The following ADCY5 variants were observed in gnomAD, a reference collection of about 807,000 sequenced individuals.
ADCY5 encodes the protein adenylate cyclase type 5.
ADCY5 carries 30 observed loss-of-function variants against 119.7 expected under a neutral mutation model. That is an observed-to-expected ratio of 0.25 (90% CI 0.19 to 0.34). The LOEUF (loss-of-function observed/expected upper bound fraction) is 0.34, where lower values mean the gene tolerates loss of function less well. Among genes scored for constraint, ADCY5 ranks in the 10% least tolerant of loss-of-function variants. ADCY5 has a pLI of 1.00. For missense variants in ADCY5, 1,324 were observed against 1,775.2 expected (o/e 0.75, Z 4.57); for synonymous variants, 753 against 762.2 (o/e 0.99, Z 0.20).
intron 1 of ADCY5, among the ~76,000 whole-genome samples, chr3:123,428,727 C>T (rs1170472091): frequency 1.3e-5 from 2 of 152,224 alleles, no homozygotes; most frequent in African/African-American, 2.4e-5. Context: ...AGAACTGCAT[C>T]CCCAGGGCAC....
At chr3:123,318,351 G>T (rs997599312) in intron 10 of ADCY5, among the ~76,000 whole-genome samples, 1 of 152,138 alleles carries the variant, frequency 6.6e-6, no homozygotes, top group Admixed American at 6.5e-5. Context: ...GAAACCTTCT[G>T]CAGGTGGGTC....
chr3:123,310,149 C>CACACACACACACAG (rs1031301955), intron 12 of ADCY5, among the ~76,000 whole-genome samples: 24 of 147,826 alleles, frequency 1.6e-4, no homozygotes, highest in African/African-American at 5.3e-4. Flanking sequence ...CACACACACA[C>CACACACACACACAG]AGCTACGCAG....
chr3:123,421,821 T>C (rs1021868293), intron 1 of ADCY5, among the ~76,000 whole-genome samples: 1 of 152,148 alleles, frequency 6.6e-6, no homozygotes, highest in African/African-American at 2.4e-5. Flanking sequence ...TTTTATTCAA[T>C]GGGGGAGGAC....
intron 15 of ADCY5, among the ~76,000 whole-genome samples, chr3:123,299,261 T>A (rs2108243036): frequency 6.6e-6 from 1 of 152,330 alleles, no homozygotes; most frequent in African/African-American, 2.4e-5. Flanking sequence ...GCATTCCCAC[T>A]TGTAACAGCT....
intron 1 of ADCY5, among the ~76,000 whole-genome samples, chr3:123,382,466 ACACG>A (rs1271153444): frequency 1.3e-5 from 2 of 152,254 alleles, no homozygotes; most frequent in Admixed American, 1.3e-4. Context: ...AGATATTTTT[ACACG>A]CATGCTCCCA....
intron 1 of ADCY5, among the ~76,000 whole-genome samples, chr3:123,397,672 T>C (rs1944641276): frequency 2.0e-5 from 3 of 152,238 alleles, no homozygotes; most frequent in African/African-American, 7.2e-5. Flanking sequence ...TTCTTCCTAG[T>C]GTCTGGTTTA....
chr3:123,428,254 T>A (rs561005087), intron 1 of ADCY5, among the ~76,000 whole-genome samples: 1 of 152,330 alleles, frequency 6.6e-6, no homozygotes, highest in Non-Finnish European at 1.5e-5. Flanking sequence ...GACCATCTGA[T>A]CTTGCTGTAC....
intron 10 of ADCY5, 92 bp from the exon 11 acceptor site, chr3:123,318,209 A>G: frequency 2.2e-6 from 2 of 929,382 alleles, no homozygotes; most frequent in Admixed American, 2.0e-5. Flanking sequence ...GAAGCCACTC[A>G]TGGCTGGTCA....
intron 2 of ADCY5, among the ~76,000 whole-genome samples, chr3:123,348,284 C>T (rs1047368159): frequency 1.3e-5 from 2 of 152,124 alleles, no homozygotes; most frequent in Middle Eastern, 3.4e-3. Context: ...TCAGGTTGCT[C>T]GTCTGTAAAA....
chr3:123,360,308 G>A (rs778779286), intron 1 of ADCY5, among the ~76,000 whole-genome samples: 6 of 152,036 alleles, frequency 3.9e-5, no homozygotes, highest in Non-Finnish European at 7.4e-5. Flanking sequence ...GTCCTGCCCA[G>A]ACAACATCGC....
intron 1 of ADCY5, among the ~76,000 whole-genome samples, chr3:123,438,645 T>G (rs1351391065): frequency 1.3e-5 from 2 of 152,222 alleles, no homozygotes; most frequent in African/African-American, 2.4e-5. Flanking sequence ...CTGCAGTGCT[T>G]AAGGAACCCT....
At chr3:123,365,774 G>A (rs1943415726) in intron 1 of ADCY5, among the ~76,000 whole-genome samples, 1 of 152,210 alleles carries the variant, frequency 6.6e-6, no homozygotes, top group Non-Finnish European at 1.5e-5. Flanking sequence ...GAGGTCATGA[G>A]GGGACGGTGA....
chr3:123,447,958 G>A lies in ADCY5; in HGVS notation c.588C>T (p.Gly196=), dbSNP rs1479469458. 2 of 1,489,780 alleles carry A rather than the reference G, an allele frequency of 1.3e-6. No homozygotes were observed. Among genetic ancestry groups the A allele is most frequent in the South Asian group, 1.3e-5 (1 of 74,660 alleles). The allele number at this position is 1,489,780 out of a possible 1,614,324, so 92.3% of individuals were successfully genotyped here. The part of the protein sequence containing the change: ...DGGSSADSGS[G]AGPGAVLSLG... ...GGGACAGCACCGCGCCGGGCCCCGC[G>A]CCCGAGCCCGAGTCCGCCGAGCTGC... Residue 196 remains glycine, a synonymous_variant, in exon 1 of 21, where the codon GGC becomes GGT. Coordinates refer to ENST00000462833, the MANE Select transcript of ADCY5 (RefSeq NM_183357.3).
chr3:123,313,021 A>T (rs1157455263), intron 12 of ADCY5, among the ~76,000 whole-genome samples: 1 of 139,494 alleles, frequency 7.2e-6, no homozygotes, highest in Non-Finnish European at 1.5e-5. Context: ...GGAACCAGCT[A>T]ACGTTAAGCC....
intron 1 of ADCY5, among the ~76,000 whole-genome samples, chr3:123,359,954 T>C (rs1355748976): frequency 2.6e-5 from 4 of 152,152 alleles, no homozygotes; most frequent in African/African-American, 9.7e-5. Context: ...CCCATTAAGA[T>C]ATAATATAAA....
At chr3:123,392,480 TATC>T (rs147769828) in intron 1 of ADCY5, among the ~76,000 whole-genome samples, 9,803 of 152,104 alleles carry the variant, frequency 0.064, 762 homozygotes, top group East Asian at 0.26. Flanking sequence ...TCCACGGGGT[TATC>T]ATAAACCGCA....
chr3:123,440,451 T>C (rs761824421), intron 1 of ADCY5, among the ~76,000 whole-genome samples: 1 of 151,176 alleles, frequency 6.6e-6, no homozygotes, highest in Non-Finnish European at 1.5e-5. Flanking sequence ...TTGTGTTTGT[T>C]TGTCTAACCA....
At chr3:123,394,081 G>C (rs910843068) in intron 1 of ADCY5, among the ~76,000 whole-genome samples, 1 of 152,040 alleles carries the variant, frequency 6.6e-6, no homozygotes, top group African/African-American at 2.4e-5. Flanking sequence ...AGTGAGCCAA[G>C]ATCGTGCCAC....
At chr3:123,310,103 TAC>T (rs60966110) in intron 12 of ADCY5, among the ~76,000 whole-genome samples, 20,159 of 120,980 alleles carry the variant, frequency 0.17, 1,748 homozygotes, top group Middle Eastern at 0.23. Context: ...GAGAGAGATT[TAC>T]ACACACACAC....
Sources: gnomAD v4.1 joint callset for allele counts (sites outside exome capture counted in the v4.1 genomes callset) on GRCh38, gnomAD v4.1.1 for gene constraint, MANE v1.5 for transcripts, NCBI Gene and HGNC (gene_info 2026-07-23, HGNC 2026-07-21) for gene names.